The following LRR1 variants were observed in gnomAD, a reference collection of about 807,000 sequenced individuals.
LRR1 encodes leucine-rich repeat protein 1.
LRR1 carries 29 observed loss-of-function variants against 31.6 expected under a neutral mutation model. The observed-to-expected ratio is 0.92, with a 90% CI of 0.68 to 1.25. The LOEUF is 1.25. Among genes scored for constraint, LRR1 ranks in the 50% most tolerant of loss-of-function variants. LRR1 has a pLI of 0.00. For missense variants in LRR1, 485 were observed against 487.2 expected (o/e 1.00, Z 0.04); for synonymous variants, 179 against 181.4 (o/e 0.99, Z 0.10).
At position 49,602,373 on chromosome 14, in the gene LRR1, A is replaced by T. The variant is rs1882094434; in HGVS notation, c.187A>T (p.Arg63Trp). Residue 63 changes from arginine to tryptophan, a missense_variant, in exon 2 of 4, where the codon AGG (arginine) becomes TGG (tryptophan). This residue lies in a region of LRR1 where 260 missense variants were observed against 249.6 expected (regional missense o/e 1.04). Transcript: ENST00000298288. ...TTTTTCTATTGGTTTTATGCAGCTA[A>T]GGGAGAACATTGAGCAATTCTTCAC... Reference protein sequence around the residue: ...KDKRGTRYELRENIEQFFTKF... With the variant: ...KDKRGTRYELWENIEQFFTKF... 1 of 1,612,920 alleles carries T rather than the reference A, an allele frequency of 6.2e-7. No individual in the cohort carries two copies. Among genetic ancestry groups the T allele is most frequent in the Admixed American group, 1.7e-5 (1 of 59,984 alleles).
chr14:49,609,556 C>T (rs1882435115), intron 3 of LRR1, among the ~76,000 whole-genome samples: 1 of 151,884 alleles, frequency 6.6e-6, no homozygotes. Flanking sequence ...AGGCACCCGC[C>T]ACCACACCTG....
At chr14:49,611,148 G>T (rs1012227537) in intron 3 of LRR1, among the ~76,000 whole-genome samples, 1 of 152,062 alleles carries the variant, frequency 6.6e-6, no homozygotes, top group African/African-American at 2.4e-5. Context: ...GTTCTCAGAC[G>T]TTACTTCAAA....
rs1017000779 is a variant in LRR1 at position 49,610,694 on chromosome 14, C to T, written c.1004+2573C>T. On this transcript the variant is annotated intron_variant, in intron 3 of 3. Coordinates refer to ENST00000298288, the MANE Select transcript of LRR1 (RefSeq NM_152329.4). The stretch of plus-strand genomic sequence containing the variant: ...TCTCCTGCCTCAGCCTCCCAAGTAG[C>T]TGGGATTACAGGTGCCCATGACCAT... Among the ~76,000 whole-genome samples, 22 of 152,188 alleles carry T rather than the reference C, an allele frequency of 1.4e-4. 1 individual carries two copies. Among genetic ancestry groups the T allele is most frequent in the African/African-American group, 5.3e-4 (22 of 41,434 alleles).
intron 3 of LRR1, among the ~76,000 whole-genome samples, chr14:49,609,751 G>A (rs1454997726): frequency 6.6e-6 from 1 of 151,786 alleles, no homozygotes; most frequent in Non-Finnish European, 1.5e-5. Flanking sequence ...TGTCGCCCAG[G>A]TTGGAGTGCA....
rs189741856 is a variant in LRR1, at chr14:49,611,126, T to G, written c.1004+3005T>G. Among the ~76,000 whole-genome samples, 17 of 152,256 alleles carry G rather than the reference T, an allele frequency of 1.1e-4. No individual in the cohort carries two copies. In the East Asian group the frequency reaches 3.1e-3, roughly 28 times the overall value. ...CCATCCCCAATGTAAGAACTCTTAC[T>G]CTAAACCAATGGTTCTCAGACGTTA... is the stretch of plus-strand genomic sequence containing the variant. On this transcript the variant is annotated intron_variant, in intron 3 of 3. Coordinates refer to ENST00000298288, the MANE Select transcript of LRR1 (RefSeq NM_152329.4).
Position 49,614,250 on chromosome 14 carries a change from C to T in LRR1, c.1005-6C>T. The T allele has an allele frequency of 1.2e-6, 2 of 1,607,528 alleles. No individual in the cohort carries two copies. The highest frequency in any genetic ancestry group is 2.2e-5 in the South Asian group (2 of 90,406). On this transcript the variant is annotated splice_region_variant and splice_polypyrimidine_tract_variant and intron_variant, in intron 3 of 3. Coordinates refer to ENST00000298288, the MANE Select transcript of LRR1 (RefSeq NM_152329.4). ...TATAAAATATTTTTATCATTCTTTC[C>T]AATAGGATTCCATATGGCTCTCATA...
rs367748471 is a variant in LRR1 at position 49,607,417 on chromosome 14, A to G, written c.300A>G (p.Leu100=). ...TTATTCAGGCCATTTCCAGCAGTTT[A>G]AAAGGTTTCCTTTCAGCTATGAGAC... ...ICLSKAISSS[L]KGFLSAMRLA... is the part of the protein sequence containing the mutation. The change falls in exon 3 of 4, where the codon TTA becomes TTG. Residue 100 remains leucine, a synonymous_variant. Coordinates refer to ENST00000298288, the MANE Select transcript of LRR1 (RefSeq NM_152329.4). 100 of 1,575,266 alleles carry G rather than the reference A, an allele frequency of 6.3e-5. No homozygotes were observed. The highest frequency in any genetic ancestry group is 7.9e-5 in the Non-Finnish European group (92 of 1,164,466).
In LRR1 at chr14:49,607,495, G is replaced by C. The variant is rs1378567326; in HGVS notation, c.378G>C (p.Val126=). ...VDTPVSTLTP[V]KTSEFENFKT... is the part of the protein sequence containing the mutation. ...CACCAGTTTCAACGCTCACACCAGTGAAGACTTCAGAATTTGAAAACTTTA... is the reference window on the plus strand; with the variant it reads ...CACCAGTTTCAACGCTCACACCAGTCAAGACTTCAGAATTTGAAAACTTTA... Residue 126 remains valine, a synonymous_variant, in exon 3 of 4, where the codon GTG becomes GTC. Transcript: ENST00000298288. 6.2e-7 allele frequency: 1 copy of C among 1,613,992 alleles called. No individual in the cohort carries two copies. Among genetic ancestry groups the C allele is most frequent in the African/African-American group, 1.3e-5 (1 of 74,912 alleles).
chr14:49,599,545 G>A (rs1881954487), intron 1 of LRR1, among the ~76,000 whole-genome samples: 1 of 152,244 alleles, frequency 6.6e-6, no homozygotes, highest in African/African-American at 2.4e-5. Context: ...TGAAGCAGCT[G>A]TCCAGTTGGG....
chr14:49,611,610 A>T (rs914287348), intron 3 of LRR1, among the ~76,000 whole-genome samples: 3 of 151,974 alleles, frequency 2.0e-5, no homozygotes, highest in African/African-American at 7.2e-5. Context: ...TTTCTCTAAG[A>T]CATACATAAA....
chr14:49,609,081 T>A (rs2354446), intron 3 of LRR1, among the ~76,000 whole-genome samples: 60,021 of 144,342 alleles, frequency 0.42, 14,047 homozygotes, highest in Middle Eastern at 0.54. Flanking sequence ...GCCTGGCTAA[T>A]TTTTTTTTTG....
chr14:49,601,767 G>A (rs1314315579), intron 1 of LRR1: 2 of 870,400 alleles, frequency 2.3e-6, no homozygotes, highest in Non-Finnish European at 3.2e-6. Context: ...GACAGACAGA[G>A]CAGTAACATC....
At position 49,607,443 on chromosome 14, in the gene LRR1, T is replaced by C. The variant is rs764425600; in HGVS notation, c.326T>C (p.Leu109Pro). Residue 109 changes from leucine to proline, a missense_variant, in exon 3 of 4, where the codon CTG becomes CCG. By Grantham distance (98) the Leu-to-Pro change is moderately conservative. Transcript: ENST00000298288. ...SLKGFLSAMR[L>P]AHRGCNVDTP... ...AAAGGTTTCCTTTCAGCTATGAGAC[T>C]GGCTCATAGAGGCTGTAATGTTGAT... 8 of 1,598,918 alleles carry C rather than the reference T, an allele frequency of 5.0e-6. No individual in the cohort carries two copies. Among genetic ancestry groups the C allele is most frequent in the East Asian group, 2.2e-5 (1 of 44,756 alleles).
rs1188454348 is a variant in LRR1 at position 49,609,275 on chromosome 14, G to C, written c.1004+1154G>C. Among the ~76,000 whole-genome samples, 4 of 124,428 alleles carry C rather than the reference G, an allele frequency of 3.2e-5. No individual in the cohort carries two copies. In the Admixed American group the frequency reaches 4.1e-4, roughly 13 times the overall value. The allele number at this position is 124,428 out of a possible 152,430, so 81.6% of individuals were successfully genotyped here. ...GGGTCTCACTCTGTTGCCCAGGCTC[G>C]AGTGCAGTGGTCCAATCTCAGCTCA... is the stretch of plus-strand genomic sequence containing the variant. On this transcript the variant is annotated intron_variant, in intron 3 of 3. Coordinates refer to ENST00000298288, the MANE Select transcript of LRR1 (RefSeq NM_152329.4).
intron 3 of LRR1, among the ~76,000 whole-genome samples, chr14:49,610,883 T>C (rs1196725997): frequency 6.6e-6 from 1 of 152,202 alleles, no homozygotes; most frequent in Non-Finnish European, 1.5e-5. Context: ...CTTGAACGCA[T>C]GTCTGGAAGC....
Position 49,599,182 on chromosome 14 carries a change from C to T in LRR1, c.162C>T (p.Asp54=), listed in dbSNP as rs147588532. Residue 54 remains aspartate, a synonymous_variant, in exon 1 of 4, where the codon GAC becomes GAT. Transcript: ENST00000298288. ...TCCTGCTCATCTCCACCCTGAAGGA[C>T]AAGCGCGGGACCCGCTATGAGGTGC... ...RAFLLISTLK[D]KRGTRYELRE... is the part of the protein sequence containing the mutation. 121 of 1,608,094 alleles carry T rather than the reference C, an allele frequency of 7.5e-5. No individual in the cohort carries two copies. The African/African-American group carries it at 1.5e-3, about 19-fold the overall frequency.
At chr14:49,601,363 G>C (rs542187119) in intron 1 of LRR1, among the ~76,000 whole-genome samples, 1 of 152,110 alleles carries the variant, frequency 6.6e-6, no homozygotes, top group African/African-American at 2.4e-5. Flanking sequence ...TCATTGCTAT[G>C]TCCCAAGCCC....
intron 1 of LRR1, among the ~76,000 whole-genome samples, chr14:49,599,404 T>C (rs1435952370): frequency 1.3e-5 from 2 of 152,174 alleles, no homozygotes; most frequent in East Asian, 3.9e-4. Flanking sequence ...GAAGAAAGCT[T>C]TGAGAGTGTA....
intron 1 of LRR1, chr14:49,600,737 G>A (rs1882023725): frequency 1.1e-6 from 1 of 924,130 alleles, no homozygotes. Context: ...AACAAAACCT[G>A]TCCTCAGAAT....
Sources: allele counts gnomAD v4.1 joint callset (sites outside exome capture counted in the v4.1 genomes callset), GRCh38; gene constraint gnomAD v4.1.1; regional missense constraint gnomAD v4.1.1; transcripts MANE v1.5; gene names NCBI Gene and HGNC (gene_info 2026-07-23, HGNC 2026-07-21).